SLC16A10: variants seen among roughly 807,000 people sequenced by gnomAD.
SLC16A10 encodes the protein monocarboxylate transporter 10.
A neutral mutation model predicts 40.0 loss-of-function variants in SLC16A10; 27 were observed. That is an observed-to-expected ratio of 0.67 (90% CI 0.50 to 0.93). The LOEUF (loss-of-function observed/expected upper bound fraction) is 0.93. Ranked by LOEUF, SLC16A10 falls within the 40% of genes least tolerant of loss-of-function variation. SLC16A10 has a pLI of 0.00. For missense variants in SLC16A10, 529 were observed against 658.2 expected (o/e 0.80, Z 2.15); for synonymous variants, 213 against 249.8 (o/e 0.85, Z 1.39).
intron 3 of SLC16A10, among the ~76,000 whole-genome samples, chr6:111,205,869 A>G (rs1020070866): frequency 1.2e-4 from 18 of 152,156 alleles, no homozygotes; most frequent in African/African-American, 4.1e-4. Flanking sequence ...AGGGGTGTCA[A>G]TTTGGTCCAG....
At position 111,228,463 on chromosome 6, in the gene SLC16A10, A is replaced by G. The variant is rs1771047602; in HGVS notation, c.*6228A>G. 1 of 152,214 alleles carries G rather than the reference A, an allele frequency of 6.6e-6. No individual in the cohort carries two copies. Among genetic ancestry groups the G allele is most frequent in the African/African-American group, 2.4e-5 (1 of 41,450 alleles). 9.4% of individuals were successfully genotyped at this position (152,214 alleles called of 1,614,324 possible). A position where few individuals can be genotyped will look rare whatever the true frequency, so the allele number is the denominator to read the frequency against. ...TATAAAAAGAGTATTTTGGAGTTCA[A>G]TGTCCCTAAACATGTATGCGATAGG... On this transcript the variant is annotated 3_prime_UTR_variant, in exon 6 of 6. Transcript: ENST00000368851.
intron 1 of SLC16A10, among the ~76,000 whole-genome samples, chr6:111,121,701 T>C (rs533594585): frequency 1.3e-5 from 2 of 152,386 alleles, no homozygotes; most frequent in South Asian, 4.1e-4. Context: ...TTTGGTTTTT[T>C]TTCCATGTTA....
In SLC16A10 at chr6:111,088,094, AG is replaced by A; in HGVS notation, c.343+1del. The A allele has an allele frequency of 6.3e-7, 1 of 1,596,024 alleles. No homozygotes were observed. The highest frequency in any genetic ancestry group is 1.1e-5 in the South Asian group (1 of 88,636). On this transcript the variant is annotated frameshift_variant and splice_region_variant, in exon 1 of 6. Transcript: ENST00000368851. LOFTEE classifies it high-confidence loss of function. ...KDDDKMVFKT[A>X]WVGSLSMGMI... ...ACGATGACAAGATGGTCTTTAAGACAGGTGAGGCGCGGCGCCCGCCGAGGCC... is the reference window on the plus strand; with the variant it reads ...ACGATGACAAGATGGTCTTTAAGACAGTGAGGCGCGGCGCCCGCCGAGGCC...
At chr6:111,093,849 C>A (rs1771026644) in intron 1 of SLC16A10, among the ~76,000 whole-genome samples, 2 of 152,004 alleles carry the variant, frequency 1.3e-5, no homozygotes. Flanking sequence ...AAACTACCTG[C>A]TAAAATAAGT....
At chr6:111,202,884 C>CAAAAAAA (rs567667458) in intron 3 of SLC16A10, among the ~76,000 whole-genome samples, 15 of 86,316 alleles carry the variant, frequency 1.7e-4, no homozygotes, top group East Asian at 3.5e-4. Context: ...GAGACTCCAT[C>CAAAAAAA]AAAAAAAAAA....
rs1771035519 is a variant in SLC16A10 at position 111,228,137 on chromosome 6, C to G, written c.*5902C>G. 1 of 152,138 alleles carries G rather than the reference C, an allele frequency of 6.6e-6. No individual in the cohort carries two copies. 9.4% of individuals were successfully genotyped at this position (152,138 alleles called of 1,614,324 possible). A position where few individuals can be genotyped will look rare whatever the true frequency, so the allele number is the denominator to read the frequency against. On this transcript the variant is annotated 3_prime_UTR_variant, in exon 6 of 6. Transcript: ENST00000368851. ...TTAGACACACTCAGATTCTAATGAA[C>G]ACTTAGAATGCTTCGCCAGTGGCTT...
chr6:111,203,204 A>G (rs1773200457), intron 3 of SLC16A10, among the ~76,000 whole-genome samples: 1 of 152,218 alleles, frequency 6.6e-6, no homozygotes, highest in Non-Finnish European at 1.5e-5. Context: ...GCAGAAATTT[A>G]TAAAACAGCA....
chr6:111,188,084 A>G (rs1221404533), intron 3 of SLC16A10, among the ~76,000 whole-genome samples: 1 of 152,192 alleles, frequency 6.6e-6, no homozygotes, highest in Non-Finnish European at 1.5e-5. Flanking sequence ...ATGGTTACAG[A>G]GTGCTGGAAA....
chr6:111,137,950 C>T (rs930995112), intron 1 of SLC16A10, among the ~76,000 whole-genome samples: 5 of 152,212 alleles, frequency 3.3e-5, no homozygotes, highest in Non-Finnish European at 2.9e-5. Flanking sequence ...CCTGAGAGCA[C>T]AGGGGGAGGG....
chr6:111,110,719 G>A lies in SLC16A10; in HGVS notation c.343+22624G>A, dbSNP rs112850849. Among the ~76,000 whole-genome samples, 390 of 152,276 alleles carry A rather than the reference G, an allele frequency of 2.6e-3. 3 individuals are homozygous for A. Among genetic ancestry groups the A allele is most frequent in the African/African-American group, 8.9e-3 (369 of 41,554 alleles). ...GATGAAGATTAGAAACCATGCATTT[G>A]TAGTGAAACTTGTTTCTAAGATTGT... On this transcript the variant is annotated intron_variant, in intron 1 of 5. Coordinates refer to ENST00000368851, the MANE Select transcript of SLC16A10 (RefSeq NM_018593.5).
chr6:111,110,741 T>C (rs1223714359), intron 1 of SLC16A10, among the ~76,000 whole-genome samples: 2 of 152,166 alleles, frequency 1.3e-5, no homozygotes, highest in Admixed American at 6.5e-5. Context: ...GTTTCTAAGA[T>C]TGTGCCCTTA....
chr6:111,176,718 C>T (rs969066922), intron 2 of SLC16A10, among the ~76,000 whole-genome samples: 1 of 152,180 alleles, frequency 6.6e-6, no homozygotes, highest in Non-Finnish European at 1.5e-5. Context: ...ATATAAAATG[C>T]GGCCTTTTCT....
intron 3 of SLC16A10, among the ~76,000 whole-genome samples, chr6:111,203,317 T>C (rs1450619324): frequency 6.6e-6 from 1 of 152,168 alleles, no homozygotes; most frequent in Non-Finnish European, 1.5e-5. Context: ...CCAGATTCCC[T>C]CACATACTGA....
At chr6:111,203,707 G>A (rs1176736031) in intron 3 of SLC16A10, among the ~76,000 whole-genome samples, 9 of 86,782 alleles carry the variant, frequency 1.0e-4, no homozygotes, top group African/African-American at 1.8e-4. Context: ...GGGCGACAGC[G>A]AAACCCCATC....
chr6:111,212,112 G>A (rs1773355066), intron 4 of SLC16A10, among the ~76,000 whole-genome samples: 1 of 152,094 alleles, frequency 6.6e-6, no homozygotes, highest in South Asian at 2.1e-4. Context: ...TCAGATCATG[G>A]TAATCCCTAG....
intron 4 of SLC16A10, among the ~76,000 whole-genome samples, chr6:111,208,311 C>T (rs554686014): frequency 2.7e-4 from 41 of 151,848 alleles, no homozygotes; most frequent in Non-Finnish European, 5.0e-4. Flanking sequence ...TTCGGCTGTG[C>T]GTGGTGGCTC....
At chr6:111,115,571 T>C (rs918441993) in intron 1 of SLC16A10, among the ~76,000 whole-genome samples, 1 of 152,252 alleles carries the variant, frequency 6.6e-6, no homozygotes, top group Non-Finnish European at 1.5e-5. Context: ...CATTATTTCT[T>C]GCTGTTAATA....
intron 1 of SLC16A10, among the ~76,000 whole-genome samples, chr6:111,091,729 A>G (rs948322710): frequency 1.3e-5 from 2 of 152,152 alleles, no homozygotes; most frequent in Admixed American, 1.3e-4. Context: ...TTCCCACGCA[A>G]TGGATAATCT....
intron 1 of SLC16A10, among the ~76,000 whole-genome samples, chr6:111,143,692 CA>C (rs769440175): frequency 3.7e-4 from 56 of 152,234 alleles, no homozygotes; most frequent in Admixed American, 7.8e-4. Context: ...GGGAGTTGGT[CA>C]GGGGAGAATG....
Sources: allele counts gnomAD v4.1 joint callset (sites outside exome capture counted in the v4.1 genomes callset), GRCh38; gene constraint gnomAD v4.1.1; transcripts MANE v1.5; gene names NCBI Gene and HGNC (gene_info 2026-07-23, HGNC 2026-07-21).